Variants in MB21D2 observed in about 807,000 individuals in gnomAD.
MB21D2 encodes the protein nucleotidyltransferase MB21D2.
Under a neutral mutation model 33.3 loss-of-function variants are expected in MB21D2, and 9 were observed. The ratio of observed to expected loss-of-function variants is 0.27; its 90% CI spans 0.16 to 0.47. The LOEUF (loss-of-function observed/expected upper bound fraction) is 0.47. MB21D2 is among the 20% of genes least tolerant of loss of function. The probability of loss-of-function intolerance (pLI) is 0.99; values close to 1 mark genes in which losing one functional copy is unlikely to be tolerated. For synonymous variants in MB21D2, 241 were observed against 236.3 expected (o/e 1.02, Z -0.18); for missense variants, 540 against 624.6 (o/e 0.86, Z 1.44).
At chr3:192,808,963 T>C (rs1279150595) in intron 1 of MB21D2, among the ~76,000 whole-genome samples, 1 of 152,234 alleles carries the variant, frequency 6.6e-6, no homozygotes, top group Non-Finnish European at 1.5e-5. Flanking sequence ...TTGAAGTACA[T>C]ACATCTCATG....
chr3:192,916,098 T>TTATATATATATATATA lies in MB21D2; in HGVS notation c.211+1516_211+1531dup, dbSNP rs55749042. Among the ~76,000 whole-genome samples the TTATATATATATATATA allele has an allele frequency of 7.5e-4, 105 of 139,152 alleles. 1 individual carries two copies. Among genetic ancestry groups the TTATATATATATATATA allele is most frequent in the African/African-American group, 2.6e-3 (91 of 35,300 alleles). The allele number at this position is 139,152 out of a possible 152,430, so 91.3% of individuals were successfully genotyped here. A position where few individuals can be genotyped will look rare whatever the true frequency, so the allele number is the denominator to read the frequency against. On this transcript the variant is annotated intron_variant, in intron 1 of 1. Transcript: ENST00000392452. ...TGTGGAAGCTCACTCCTACCAGGTT[T>TTATATATATATATATA]TATATATATATATATATATATATTT...
chr3:192,917,805 G>C lies in MB21D2; in HGVS notation c.36C>G (p.Ala12=). The C allele has an allele frequency of 2.5e-6, 4 of 1,612,092 alleles. No homozygotes were observed. The highest frequency in any genetic ancestry group is 2.5e-6 in the Non-Finnish European group (3 of 1,179,284). Reference sequence around the variant, plus strand: ...CAGGCTTGTTGTTACAGCCCAGGGAGGCTGCCTTGTTGGCGGTGGGAGCCG... The same window carrying C: ...CAGGCTTGTTGTTACAGCCCAGGGACGCTGCCTTGTTGGCGGTGGGAGCCG... ...KMAAPTANKA[A]SLGCNNKPAF... The change falls in exon 1 of 2, where the codon GCC becomes GCG. Residue 12 remains alanine, a synonymous_variant. Transcript: ENST00000392452.
chr3:192,827,459 T>C (rs144787461), intron 1 of MB21D2, among the ~76,000 whole-genome samples: 2 of 152,206 alleles, frequency 1.3e-5, no homozygotes, highest in African/African-American at 4.8e-5. Flanking sequence ...GTGGAACACA[T>C]AGCCCAGTGC....
At chr3:192,813,184 A>G (rs1711828919) in intron 1 of MB21D2, among the ~76,000 whole-genome samples, 1 of 152,156 alleles carries the variant, frequency 6.6e-6, no homozygotes, top group Non-Finnish European at 1.5e-5. Flanking sequence ...ATCTAGGTTG[A>G]GCCAAGACTG....
intron 1 of MB21D2, among the ~76,000 whole-genome samples, chr3:192,857,588 G>A (rs936888648): frequency 3.3e-5 from 5 of 151,956 alleles, no homozygotes; most frequent in Admixed American, 6.6e-5. Flanking sequence ...TGCCATAAGC[G>A]TGACTACTCC....
intron 1 of MB21D2, among the ~76,000 whole-genome samples, chr3:192,845,381 G>A (rs1712658498): frequency 1.3e-5 from 2 of 152,214 alleles, no homozygotes; most frequent in Admixed American, 1.3e-4. Flanking sequence ...AGAGCCAAGG[G>A]TGAGCTTTGT....
chr3:192,864,112 G>A (rs376392993), intron 1 of MB21D2, among the ~76,000 whole-genome samples: 1 of 152,204 alleles, frequency 6.6e-6, no homozygotes. Context: ...GTGGCAGTGG[G>A]TATCAGGGAA....
intron 1 of MB21D2, among the ~76,000 whole-genome samples, chr3:192,858,762 G>A (rs1042494052): frequency 6.6e-6 from 1 of 152,150 alleles, no homozygotes; most frequent in Non-Finnish European, 1.5e-5. Flanking sequence ...AATCTACTTG[G>A]AGAGGATATC....
intron 1 of MB21D2, among the ~76,000 whole-genome samples, chr3:192,809,496 C>A (rs539035361): frequency 6.6e-6 from 1 of 152,234 alleles, no homozygotes; most frequent in African/African-American, 2.4e-5. Context: ...CAAGTTGATC[C>A]TATGCTGCTT....
At position 192,837,737 on chromosome 3, in the gene MB21D2, G is replaced by A. The variant is rs374828508; in HGVS notation, c.212-38087C>T. On this transcript the variant is annotated intron_variant, in intron 1 of 1. Transcript: ENST00000392452. ...AGGACATTCCATATCATGAGTCTCC[G>A]GCTTTAGATTCTGTATTTTTAAATG... Among the ~76,000 whole-genome samples, 33 of 152,226 alleles carry A rather than the reference G, an allele frequency of 2.2e-4. 1 individual carries two copies. Among genetic ancestry groups the A allele is most frequent in the Admixed American group, 9.8e-4 (15 of 15,298 alleles).
intron 1 of MB21D2, among the ~76,000 whole-genome samples, chr3:192,871,898 T>C (rs1300925548): frequency 1.3e-5 from 2 of 152,126 alleles, no homozygotes; most frequent in African/African-American, 4.8e-5. Context: ...GGCCCTGCAG[T>C]AACTAGAAAT....
chr3:192,908,660 C>T (rs1264403294), intron 1 of MB21D2, among the ~76,000 whole-genome samples: 1 of 151,648 alleles, frequency 6.6e-6, no homozygotes, highest in Admixed American at 6.6e-5. Flanking sequence ...CCTCGTGATC[C>T]GCCCTCCTCG....
At chr3:192,909,993 A>G (rs1005658665) in intron 1 of MB21D2, among the ~76,000 whole-genome samples, 3 of 150,596 alleles carry the variant, frequency 2.0e-5, no homozygotes, top group East Asian at 3.9e-4. Flanking sequence ...AAAAGAGCCT[A>G]AGAGCCTAAG....
At chr3:192,807,809 C>T (rs1306448790) in intron 1 of MB21D2, among the ~76,000 whole-genome samples, 1 of 152,272 alleles carries the variant, frequency 6.6e-6, no homozygotes, top group South Asian at 2.1e-4. Context: ...ACCACCCCCA[C>T]TGCATAATGC....
At chr3:192,800,593 T>C (rs545246233) in intron 1 of MB21D2, among the ~76,000 whole-genome samples, 2 of 152,328 alleles carry the variant, frequency 1.3e-5, no homozygotes, top group Non-Finnish European at 2.9e-5. Context: ...AGTTATTTTA[T>C]TGAATCTCAA....
At chr3:192,864,448 C>A (rs957666252) in intron 1 of MB21D2, among the ~76,000 whole-genome samples, 3 of 152,194 alleles carry the variant, frequency 2.0e-5, no homozygotes, top group African/African-American at 7.2e-5. Flanking sequence ...TGGCCTCATG[C>A]AATCCTTCTC....
intron 1 of MB21D2, among the ~76,000 whole-genome samples, chr3:192,889,078 G>C (rs1274783784): frequency 6.6e-6 from 1 of 152,092 alleles, no homozygotes; most frequent in Non-Finnish European, 1.5e-5. Flanking sequence ...CCTTCAGCAA[G>C]CACGCAATCC....
chr3:192,893,189 C>T (rs1461798499), intron 1 of MB21D2, among the ~76,000 whole-genome samples: 1 of 152,172 alleles, frequency 6.6e-6, no homozygotes, highest in Non-Finnish European at 1.5e-5. Context: ...ATGAGTCACT[C>T]TTCTGAGAGC....
chr3:192,858,334 C>T (rs996659613), intron 1 of MB21D2, among the ~76,000 whole-genome samples: 9 of 152,180 alleles, frequency 5.9e-5, no homozygotes, highest in South Asian at 4.1e-4. Flanking sequence ...GGCTCCCAAC[C>T]CCATGTCACC....
Sources: gnomAD v4.1 joint callset for allele counts (sites outside exome capture counted in the v4.1 genomes callset) on GRCh38, gnomAD v4.1.1 for gene constraint, MANE v1.5 for transcripts, NCBI Gene and HGNC (gene_info 2026-07-23, HGNC 2026-07-21) for gene names.